FAT3: variants seen among roughly 807,000 people sequenced by gnomAD.
The protein encoded by FAT3 is FAT atypical cadherin 3, also known as protocadherin Fat 3.
A neutral mutation model predicts 310.2 loss-of-function variants in FAT3; 95 were observed. That is an observed-to-expected ratio of 0.31 (90% confidence interval 0.26 to 0.36). FAT3 has a LOEUF of 0.36. Ranked by LOEUF, FAT3 falls within the 10% of genes least tolerant of loss-of-function variation. The pLI is 1.00. For synonymous variants in FAT3, 2,314 were observed against 2,192.9 expected (o/e 1.06, Z -1.54); for missense variants, 5,408 against 5,715.6 (o/e 0.95, Z 1.74).
intron 3 of FAT3, among the ~76,000 whole-genome samples, chr11:92,648,528 G>A (rs901829215): frequency 1.3e-5 from 2 of 152,104 alleles, no homozygotes; most frequent in African/African-American, 4.8e-5. Flanking sequence ...TGCCTGGCCT[G>A]CCTCCCTCAG....
intron 2 of FAT3, among the ~76,000 whole-genome samples, chr11:92,363,700 T>A (rs550832579): frequency 1.1e-4 from 17 of 152,336 alleles, no homozygotes; most frequent in Admixed American, 3.9e-4. Flanking sequence ...TGGCCCAGGC[T>A]TGCCCTTAAA....
intron 19 of FAT3, among the ~76,000 whole-genome samples, chr11:92,851,287 G>A (rs1477198220): frequency 5.9e-5 from 9 of 152,066 alleles, no homozygotes; most frequent in Admixed American, 2.0e-4. Flanking sequence ...TAGTGTTTCT[G>A]GTTTTGAGAC....
chr11:92,456,293 A>G (rs1001548731), intron 2 of FAT3, among the ~76,000 whole-genome samples: 20 of 152,290 alleles, frequency 1.3e-4, no homozygotes, highest in African/African-American at 4.8e-4. Context: ...ATTGTTTATA[A>G]TATTATTACT....
At chr11:92,481,170 T>G (rs1240148462) in intron 2 of FAT3, among the ~76,000 whole-genome samples, 1 of 152,220 alleles carries the variant, frequency 6.6e-6, no homozygotes, top group Non-Finnish European at 1.5e-5. Context: ...AGGAAAATGC[T>G]AAATCATTTC....
At chr11:92,858,003 T>C (rs1949025261) in intron 20 of FAT3, among the ~76,000 whole-genome samples, 1 of 152,240 alleles carries the variant, frequency 6.6e-6, no homozygotes. Context: ...GAAAAGAATA[T>C]TTTTCATTTT....
intron 1 of FAT3, among the ~76,000 whole-genome samples, chr11:92,296,437 G>A (rs181490862): frequency 6.6e-6 from 1 of 152,066 alleles, no homozygotes; most frequent in African/African-American, 2.4e-5. Context: ...ATTATACTAG[G>A]TATAAAGGGA....
In FAT3 at chr11:92,529,992, C is replaced by T. The variant is rs182280254; in HGVS notation, c.3607+5044C>T. Reference sequence around the variant, plus strand: ...GAAATCCTCTTCAAAAGTGTGTGTGCTGTAAGAATACCTCAAATTCTACCT... The same window carrying T: ...GAAATCCTCTTCAAAAGTGTGTGTGTTGTAAGAATACCTCAAATTCTACCT... On this transcript the variant is annotated intron_variant, in intron 3 of 27. Coordinates refer to ENST00000525166, the MANE Select transcript of FAT3 (RefSeq NM_001367949.2). Among the ~76,000 whole-genome samples, 434 of 152,254 alleles carry T rather than the reference C, an allele frequency of 2.9e-3. 1 individual carries two copies. The highest frequency in any genetic ancestry group is 9.8e-3 in the African/African-American group (408 of 41,552).
intron 22 of FAT3, among the ~76,000 whole-genome samples, chr11:92,874,537 A>G (rs1046954846): frequency 4.6e-5 from 7 of 152,296 alleles, no homozygotes; most frequent in Admixed American, 2.6e-4. Context: ...TTTAAACTCA[A>G]TCTCTTACTA....
At chr11:92,562,528 AG>A (rs1449075476) in intron 3 of FAT3, among the ~76,000 whole-genome samples, 2 of 152,204 alleles carry the variant, frequency 1.3e-5, no homozygotes, top group Non-Finnish European at 2.9e-5. Context: ...CAGAATGAAT[AG>A]TATATATATG....
chr11:92,602,136 C>T (rs1940058336), intron 3 of FAT3, among the ~76,000 whole-genome samples: 1 of 151,874 alleles, frequency 6.6e-6, no homozygotes, highest in Non-Finnish European at 1.5e-5. Context: ...TGCAATGGCG[C>T]AATCTCGGCT....
chr11:92,813,281 T>A (rs1947731722), intron 13 of FAT3, among the ~76,000 whole-genome samples: 1 of 152,200 alleles, frequency 6.6e-6, no homozygotes, highest in Non-Finnish European at 1.5e-5. Context: ...TTAAGCTTTT[T>A]ATTTTGAAAT....
At chr11:92,316,337 C>T (rs1302240839) in intron 1 of FAT3, among the ~76,000 whole-genome samples, 2 of 152,140 alleles carry the variant, frequency 1.3e-5, no homozygotes, top group Non-Finnish European at 2.9e-5. Context: ...CCTAAGATAA[C>T]ATGCTTGTTG....
intron 3 of FAT3, among the ~76,000 whole-genome samples, chr11:92,660,050 C>G (rs755075655): frequency 2.0e-5 from 3 of 152,114 alleles, no homozygotes; most frequent in Non-Finnish European, 4.4e-5. Flanking sequence ...GAGAGTAAAA[C>G]CACGGCAGAC....
intron 1 of FAT3, among the ~76,000 whole-genome samples, chr11:92,268,427 C>A (rs961831278): frequency 2.3e-5 from 3 of 129,656 alleles, no homozygotes; most frequent in Non-Finnish European, 4.9e-5. Flanking sequence ...TTGGAAAAAT[C>A]TGAACATGTT....
chr11:92,252,970 G>T (rs1865190115), intron 1 of FAT3, among the ~76,000 whole-genome samples: 1 of 152,098 alleles, frequency 6.6e-6, no homozygotes, highest in South Asian at 2.1e-4. Context: ...ATACATTGCA[G>T]ATATTCCATT....
chr11:92,445,056 G>T (rs1951177870), intron 2 of FAT3, among the ~76,000 whole-genome samples: 1 of 152,130 alleles, frequency 6.6e-6, no homozygotes, highest in South Asian at 2.1e-4. Context: ...GAAGACATGG[G>T]TAGAAGATAG....
intron 14 of FAT3, among the ~76,000 whole-genome samples, chr11:92,832,697 A>T (rs1344811699): frequency 1.3e-5 from 2 of 152,042 alleles, no homozygotes; most frequent in Admixed American, 1.3e-4. Context: ...TTTCTGTTTG[A>T]TGTTGTTGGG....
At chr11:92,365,018 G>A (rs1158674492) in intron 2 of FAT3, among the ~76,000 whole-genome samples, 2 of 152,212 alleles carry the variant, frequency 1.3e-5, no homozygotes, top group African/African-American at 4.8e-5. Flanking sequence ...CTAGCTCTTT[G>A]GGAGGCCAAG....
chr11:92,841,075 C>T (rs1948537028), intron 18 of FAT3, among the ~76,000 whole-genome samples: 1 of 152,152 alleles, frequency 6.6e-6, no homozygotes, highest in African/African-American at 2.4e-5. Flanking sequence ...TCACATTACC[C>T]CACTTGGGAC....
Sources: gnomAD v4.1 joint callset for allele counts (sites outside exome capture counted in the v4.1 genomes callset) on GRCh38, gnomAD v4.1.1 for gene constraint, MANE v1.5 for transcripts, NCBI Gene and HGNC (gene_info 2026-07-23, HGNC 2026-07-21) for gene names.